CNTNAP4: variants seen among roughly 807,000 people sequenced by gnomAD.
The protein encoded by CNTNAP4 is contactin-associated protein-like 4.
A neutral mutation model predicts 148.4 loss-of-function variants in CNTNAP4; 98 were observed. The ratio of observed to expected loss-of-function variants is 0.66; its 90% CI spans 0.56 to 0.78. The LOEUF is 0.78. CNTNAP4 is among the 30% of genes least tolerant of loss of function. The pLI, the probability that CNTNAP4 is intolerant of heterozygous loss-of-function variation, is 0.00. For synonymous variants in CNTNAP4, 730 were observed against 565.1 expected (o/e 1.29, Z -4.14); for missense variants, 1,935 against 1,565.6 (o/e 1.24, Z -3.98).
intron 3 of CNTNAP4, among the ~76,000 whole-genome samples, chr16:76,388,780 A>C (rs530167767): frequency 6.6e-6 from 1 of 152,330 alleles, no homozygotes; most frequent in South Asian, 2.1e-4. Context: ...GATATTTTAC[A>C]TACAAGGAAA....
At chr16:76,417,959 A>G (rs12924743) in intron 3 of CNTNAP4, among the ~76,000 whole-genome samples, 53,088 of 151,564 alleles carry the variant, frequency 0.35, 10,958 homozygotes, top group Non-Finnish European at 0.44. Flanking sequence ...GAAAAGTCCA[A>G]TGTAAGTTTT....
At chr16:76,498,460 C>T in intron 14 of CNTNAP4, 107 bp from the exon 15 acceptor site, 1 of 753,508 alleles carries the variant, frequency 1.3e-6, no homozygotes, top group Non-Finnish European at 2.2e-6. Context: ...GTGACTGGAT[C>T]CATACTCTTT....
At chr16:76,315,919 T>G (rs73620917) in intron 1 of CNTNAP4, among the ~76,000 whole-genome samples, 4,949 of 152,206 alleles carry the variant, frequency 0.033, 288 homozygotes, top group African/African-American at 0.11. Flanking sequence ...GATCGTGCCT[T>G]GTGTTATTTT....
intron 3 of CNTNAP4, among the ~76,000 whole-genome samples, chr16:76,356,113 A>G (rs2012601198): frequency 6.6e-6 from 1 of 151,846 alleles, no homozygotes; most frequent in South Asian, 2.1e-4. Context: ...GGCCTCAAGC[A>G]GTCCACCTGT....
At chr16:76,527,281 A>G (rs975609367) in intron 17 of CNTNAP4, among the ~76,000 whole-genome samples, 4 of 152,104 alleles carry the variant, frequency 2.6e-5, no homozygotes, top group Admixed American at 2.6e-4. Flanking sequence ...ATTCCCTCGC[A>G]TATTAATACC....
chr16:76,512,743 T>C (rs1400504508), intron 15 of CNTNAP4, among the ~76,000 whole-genome samples: 2 of 151,998 alleles, frequency 1.3e-5, no homozygotes, highest in Non-Finnish European at 2.9e-5. Flanking sequence ...TAAGTATGGA[T>C]AAATTGACGA....
chr16:76,361,060 T>TG (rs778969088), intron 3 of CNTNAP4, among the ~76,000 whole-genome samples: 83 of 152,114 alleles, frequency 5.5e-4, no homozygotes, highest in Non-Finnish European at 1.0e-3. Context: ...GCTGACCTCG[T>TG]GGTCCGCCTG....
chr16:76,380,897 G>A (rs532400084), intron 3 of CNTNAP4, among the ~76,000 whole-genome samples: 69 of 152,264 alleles, frequency 4.5e-4, no homozygotes, highest in African/African-American at 1.7e-3. Flanking sequence ...AAAAAATTAT[G>A]ACCTATCATG....
chr16:76,517,023 A>G (rs1453934703), intron 15 of CNTNAP4, among the ~76,000 whole-genome samples: 1 of 152,212 alleles, frequency 6.6e-6, no homozygotes, highest in Non-Finnish European at 1.5e-5. Flanking sequence ...ATATTGCACC[A>G]TTGCTTTCCA....
At chr16:76,431,570 T>C (rs1333129147) in intron 4 of CNTNAP4, among the ~76,000 whole-genome samples, 1 of 152,020 alleles carries the variant, frequency 6.6e-6, no homozygotes, top group Non-Finnish European at 1.5e-5. Flanking sequence ...TCCTAGCTAC[T>C]TGGGAGGCTG....
At chr16:76,447,154 A>T (rs1256123341) in intron 4 of CNTNAP4, among the ~76,000 whole-genome samples, 1 of 151,856 alleles carries the variant, frequency 6.6e-6, no homozygotes, top group Non-Finnish European at 1.5e-5. Context: ...ATAAAAAATA[A>T]ACAAAATTAG....
chr16:76,350,198 G>T (rs1469327525), intron 2 of CNTNAP4, among the ~76,000 whole-genome samples: 1 of 151,952 alleles, frequency 6.6e-6, no homozygotes, highest in Non-Finnish European at 1.5e-5. Flanking sequence ...ATTACTCCAG[G>T]GGTAAAGAAT....
intron 2 of CNTNAP4, among the ~76,000 whole-genome samples, chr16:76,317,720 T>A (rs182515634): frequency 2.1e-3 from 320 of 150,772 alleles, no homozygotes; most frequent in Non-Finnish European, 3.5e-3. Flanking sequence ...TGTGTGTGTG[T>A]GTGTGTATGT....
chr16:76,309,914 C>A (rs186371165), intron 1 of CNTNAP4: 2 of 701,780 alleles, frequency 2.8e-6, no homozygotes, highest in East Asian at 5.4e-5. Context: ...ACTGTGAGTC[C>A]GGTTAAGTCT....
intron 1 of CNTNAP4, among the ~76,000 whole-genome samples, chr16:76,311,039 C>T (rs940350823): frequency 3.9e-5 from 6 of 151,986 alleles, no homozygotes. Flanking sequence ...TTATCAGGAT[C>T]AGTTGAGTTA....
intron 4 of CNTNAP4, among the ~76,000 whole-genome samples, chr16:76,439,886 T>C (rs1433073371): frequency 6.6e-6 from 1 of 152,124 alleles, no homozygotes; most frequent in African/African-American, 2.4e-5. Context: ...CTTGAGTACT[T>C]GGTCTCTCTT....
At chr16:76,470,312 C>G (rs1324794455) in intron 10 of CNTNAP4, among the ~76,000 whole-genome samples, 1 of 151,572 alleles carries the variant, frequency 6.6e-6, no homozygotes, top group Admixed American at 6.6e-5. Flanking sequence ...ATAAATGTAT[C>G]ATTTGATGGT....
chr16:76,290,679 C>G (rs1236991812), intron 1 of CNTNAP4, among the ~76,000 whole-genome samples: 1 of 152,144 alleles, frequency 6.6e-6, no homozygotes, highest in East Asian at 1.9e-4. Context: ...ACTGCCTGAC[C>G]AAGGCATTCT....
intron 4 of CNTNAP4, among the ~76,000 whole-genome samples, chr16:76,430,489 T>A (rs2079567590): frequency 6.6e-6 from 1 of 152,090 alleles, no homozygotes; most frequent in Non-Finnish European, 1.5e-5. Flanking sequence ...TCAGATTGGA[T>A]TTTCCCCAGA....
Sources: allele counts gnomAD v4.1 joint callset (sites outside exome capture counted in the v4.1 genomes callset), GRCh38; gene constraint gnomAD v4.1.1; transcripts MANE v1.5; gene names NCBI Gene and HGNC (gene_info 2026-07-23, HGNC 2026-07-21).